The following CNTLN variants were observed in gnomAD, a reference collection of about 807,000 sequenced individuals.
CNTLN encodes the protein centlein, also known as centlein, centrosomal protein.
A neutral mutation model predicts 180.0 loss-of-function variants in CNTLN; 212 were observed. The observed-to-expected ratio is 1.18, with a 90% CI of 1.05 to 1.32. The LOEUF is 1.32. Among genes scored for constraint, CNTLN ranks in the 40% most tolerant of loss-of-function variants. The pLI is 0.00. For synonymous variants in CNTLN, 722 were observed against 563.1 expected (o/e 1.28, Z -3.99); for missense variants, 2,095 against 1,610.9 (o/e 1.30, Z -5.14).
At chr9:17,263,263 A>G (rs552224524) in intron 5 of CNTLN, among the ~76,000 whole-genome samples, 10 of 135,958 alleles carry the variant, frequency 7.4e-5, no homozygotes, top group East Asian at 4.5e-4. Flanking sequence ...TCATTGTTCA[A>G]TTCCCACCAG....
chr9:17,379,377 AG>A (rs1825043500), intron 13 of CNTLN, among the ~76,000 whole-genome samples: 1 of 152,102 alleles, frequency 6.6e-6, no homozygotes, highest in Admixed American at 6.5e-5. Context: ...GTATCTGAGT[AG>A]ATCTCTCCTC....
chr9:17,212,175 G>A (rs1823369026), intron 2 of CNTLN, among the ~76,000 whole-genome samples: 1 of 152,170 alleles, frequency 6.6e-6, no homozygotes, highest in African/African-American at 2.4e-5. Flanking sequence ...CATTCAGTAT[G>A]ATATTGGCTG....
At chr9:17,498,221 A>G (rs923340990) in intron 25 of CNTLN, among the ~76,000 whole-genome samples, 2 of 152,122 alleles carry the variant, frequency 1.3e-5, no homozygotes, top group Non-Finnish European at 1.5e-5. Flanking sequence ...GTATATTCCC[A>G]TTAATGCTGA....
intron 18 of CNTLN, among the ~76,000 whole-genome samples, chr9:17,456,981 G>A (rs1189685374): frequency 6.6e-6 from 1 of 152,112 alleles, no homozygotes; most frequent in Non-Finnish European, 1.5e-5. Flanking sequence ...AATCAATCAA[G>A]TGCATAAAAC....
chr9:17,509,797 T>G, the CNTLN span, among the ~76,000 whole-genome samples: 13 of 152,198 alleles, frequency 8.5e-5, no homozygotes, highest in Non-Finnish European at 4.4e-5. Flanking sequence ...CCTGTTCTTG[T>G]GACTTTATGC....
At chr9:17,335,953 G>C (rs374831533) in intron 10 of CNTLN, among the ~76,000 whole-genome samples, 3 of 150,896 alleles carry the variant, frequency 2.0e-5, no homozygotes, top group African/African-American at 7.3e-5. Context: ...CAAAGTTAGA[G>C]CTTCTAGTTT....
intron 9 of CNTLN, among the ~76,000 whole-genome samples, chr9:17,331,710 T>C (rs1209768763): frequency 6.6e-6 from 1 of 152,038 alleles, no homozygotes; most frequent in Non-Finnish European, 1.5e-5. Context: ...AAATTATTAG[T>C]AATTTTCAGA....
chr9:17,197,032 C>T (rs546251039), intron 2 of CNTLN, among the ~76,000 whole-genome samples: 1 of 152,144 alleles, frequency 6.6e-6, no homozygotes, highest in Non-Finnish European at 1.5e-5. Context: ...TCATTCTGCT[C>T]TCTGTCTCCA....
chr9:17,467,631 C>A (rs1194544387), intron 23 of CNTLN, among the ~76,000 whole-genome samples: 1 of 151,578 alleles, frequency 6.6e-6, no homozygotes, highest in African/African-American at 2.4e-5. Flanking sequence ...TAATGCCTGC[C>A]TCTGAGGATC....
At chr9:17,364,274 T>C (rs35601090) in intron 12 of CNTLN, among the ~76,000 whole-genome samples, 35,892 of 152,056 alleles carry the variant, frequency 0.24, 4,441 homozygotes, top group South Asian at 0.34. Flanking sequence ...CTATACTTCT[T>C]ATTGCAACAT....
intron 15 of CNTLN, among the ~76,000 whole-genome samples, chr9:17,396,620 C>A (rs1005185034): frequency 6.6e-6 from 1 of 152,104 alleles, no homozygotes; most frequent in East Asian, 1.9e-4. Flanking sequence ...CTGAAAATTA[C>A]CTTAAAATGT....
chr9:17,416,334 G>A, intron 18 of CNTLN, 145 bp downstream of exon 18: 2 of 580,306 alleles, frequency 3.4e-6, no homozygotes, highest in Non-Finnish European at 5.7e-6. Context: ...AGTGTAATTA[G>A]TTTAATTACT....
chr9:17,293,150 G>C (rs1817516021), intron 6 of CNTLN, among the ~76,000 whole-genome samples: 1 of 152,186 alleles, frequency 6.6e-6, no homozygotes, highest in Admixed American at 6.5e-5. Flanking sequence ...ACTTCCTCTG[G>C]CTGGGATCTT....
At chr9:17,260,166 G>A (rs931995336) in intron 5 of CNTLN, among the ~76,000 whole-genome samples, 22 of 147,574 alleles carry the variant, frequency 1.5e-4, no homozygotes, top group Non-Finnish European at 2.5e-4. Context: ...AGAGATTCTG[G>A]TATGTTATGT....
At chr9:17,479,139 C>T (rs1176200218) in intron 23 of CNTLN, among the ~76,000 whole-genome samples, 1 of 152,082 alleles carries the variant, frequency 6.6e-6, no homozygotes, top group Non-Finnish European at 1.5e-5. Context: ...TGTGGAGATT[C>T]CTCAAAATGT....
intron 1 of CNTLN, among the ~76,000 whole-genome samples, chr9:17,139,046 C>G (rs1817908640): frequency 1.3e-5 from 2 of 151,772 alleles, no homozygotes; most frequent in South Asian, 4.2e-4. Flanking sequence ...TTATTTGATT[C>G]TGTTTGGAAG....
At chr9:17,478,230 C>G (rs1038237030) in intron 23 of CNTLN, among the ~76,000 whole-genome samples, 31 of 152,190 alleles carry the variant, frequency 2.0e-4, no homozygotes, top group African/African-American at 6.8e-4. Context: ...GTATGACTCA[C>G]TTTATTGTGA....
chr9:17,325,378 ATGTG>A (rs74311460), intron 8 of CNTLN, among the ~76,000 whole-genome samples: 70,598 of 127,522 alleles, frequency 0.55, 17,720 homozygotes, highest in Non-Finnish European at 0.63. Context: ...ATGTGTATGT[ATGTG>A]TGTGTGTGTG....
chr9:17,215,124 G>A (rs181506254), intron 2 of CNTLN, among the ~76,000 whole-genome samples: 226 of 152,296 alleles, frequency 1.5e-3, no homozygotes, highest in Non-Finnish European at 1.1e-3. Flanking sequence ...AGGAGGAGAG[G>A]AGCTCTGATT....
Sources: gnomAD v4.1 joint callset for allele counts (sites outside exome capture counted in the v4.1 genomes callset) on GRCh38, gnomAD v4.1.1 for gene constraint, MANE v1.5 for transcripts, NCBI Gene and HGNC (gene_info 2026-07-23, HGNC 2026-07-21) for gene names.